Variants in ARSB observed in about 807,000 individuals in gnomAD.
The protein encoded by ARSB is arylsulfatase B.
A neutral mutation model predicts 50.9 loss-of-function variants in ARSB; 41 were observed. The ratio of observed to expected loss-of-function variants is 0.81; its 90% confidence interval spans 0.63 to 1.04. The LOEUF (loss-of-function observed/expected upper bound fraction) is 1.04, where lower values mean the gene tolerates loss of function less well. ARSB is among the 50% of genes least tolerant of loss of function. ARSB has a pLI of 0.00. For missense variants in ARSB, 672 were observed against 693.3 expected (o/e 0.97, Z 0.35); for synonymous variants, 269 against 284.8 (o/e 0.94, Z 0.56).
chr5:78,863,997 TAAAG>T (rs955578212), intron 5 of ARSB, among the ~76,000 whole-genome samples: 3 of 151,428 alleles, frequency 2.0e-5, no homozygotes, highest in African/African-American at 4.9e-5. Context: ...ACCATATTGA[TAAAG>T]AAAGAAAGTA....
At chr5:78,912,525 T>C (rs535842163) in intron 4 of ARSB, among the ~76,000 whole-genome samples, 20 of 152,302 alleles carry the variant, frequency 1.3e-4, no homozygotes, top group South Asian at 1.0e-3. Flanking sequence ...CAGTTTTATC[T>C]GTAGGAGGTA....
At position 78,868,889 on chromosome 5, in the gene ARSB, C is replaced by T. The variant is rs1168157189; in HGVS notation, c.1142+16695G>A. Among the ~76,000 whole-genome samples the T allele has an allele frequency of 2.6e-5, 4 of 151,376 alleles. No individual in the cohort carries two copies. In the South Asian group the frequency reaches 6.3e-4, roughly 24 times the overall value. ...TGGCAAGTTGGATAAAGAGTCAAGA[C>T]CCATCAGTGTGCTGTATTCAGGAAA... On this transcript the variant is annotated intron_variant, in intron 5 of 7. Transcript: ENST00000264914.
intron 6 of ARSB, among the ~76,000 whole-genome samples, chr5:78,791,106 G>C (rs1421659117): frequency 1.3e-5 from 2 of 152,202 alleles, no homozygotes; most frequent in African/African-American, 4.8e-5. Flanking sequence ...TTCCCTGCCA[G>C]TGTGATGCCA....
At chr5:78,852,926 C>T (rs976678441) in intron 5 of ARSB, among the ~76,000 whole-genome samples, 1 of 152,162 alleles carries the variant, frequency 6.6e-6, no homozygotes, top group African/African-American at 2.4e-5. Flanking sequence ...TTAAGCACTT[C>T]TCTGTATTGG....
chr5:78,836,434 C>A (rs1744958640), intron 6 of ARSB, among the ~76,000 whole-genome samples: 1 of 152,118 alleles, frequency 6.6e-6, no homozygotes, highest in Non-Finnish European at 1.5e-5. Flanking sequence ...CCTGGGTGGG[C>A]TCCAGAGAGG....
chr5:78,877,287 G>T (rs781440228), intron 5 of ARSB, among the ~76,000 whole-genome samples: 1 of 152,196 alleles, frequency 6.6e-6, no homozygotes, highest in East Asian at 1.9e-4. Flanking sequence ...GCACTGCTCT[G>T]CAGTTGCCTA....
At chr5:78,910,567 T>C (rs879084843) in intron 4 of ARSB, among the ~76,000 whole-genome samples, 1 of 152,180 alleles carries the variant, frequency 6.6e-6, no homozygotes, top group African/African-American at 2.4e-5. Context: ...TATGGATAGG[T>C]CTTCTAAAAG....
intron 5 of ARSB, among the ~76,000 whole-genome samples, chr5:78,878,429 C>T (rs1283868765): frequency 6.6e-6 from 1 of 152,036 alleles, no homozygotes. Context: ...AAACAGGGGG[C>T]CCCAAGACAG....
intron 4 of ARSB, among the ~76,000 whole-genome samples, chr5:78,917,656 T>C (rs1561500844): frequency 1.3e-5 from 2 of 152,086 alleles, no homozygotes; most frequent in East Asian, 3.9e-4. Context: ...CGGATTACAG[T>C]TGTGTGCCAC....
intron 4 of ARSB, among the ~76,000 whole-genome samples, chr5:78,946,093 T>TG (rs1218908265): frequency 6.6e-6 from 1 of 152,196 alleles, no homozygotes; most frequent in Non-Finnish European, 1.5e-5. Flanking sequence ...TCAATCAACT[T>TG]GCGTTTAACA....
chr5:78,863,620 G>C (rs1320572037), intron 5 of ARSB, among the ~76,000 whole-genome samples: 2 of 142,374 alleles, frequency 1.4e-5, no homozygotes, highest in Non-Finnish European at 3.1e-5. Context: ...GGTGGGGGGT[G>C]GGGGTAGGGA....
intron 1 of ARSB, among the ~76,000 whole-genome samples, chr5:78,974,860 C>T (rs1649370661): frequency 6.6e-6 from 1 of 152,192 alleles, no homozygotes; most frequent in South Asian, 2.1e-4. Flanking sequence ...TGAAAGTCAC[C>T]CCAGGGCTCT....
intron 5 of ARSB, among the ~76,000 whole-genome samples, chr5:78,875,946 G>C (rs768585361): frequency 1.3e-5 from 2 of 152,080 alleles, no homozygotes; most frequent in African/African-American, 4.8e-5. Context: ...GGGATTACAG[G>C]CATAAGCCAC....
At chr5:78,890,770 C>T (rs1374979413) in intron 4 of ARSB, among the ~76,000 whole-genome samples, 1 of 152,168 alleles carries the variant, frequency 6.6e-6, no homozygotes, top group Non-Finnish European at 1.5e-5. Flanking sequence ...GTGCCCTGAG[C>T]TTCAGTCACG....
intron 6 of ARSB, among the ~76,000 whole-genome samples, chr5:78,826,098 G>A (rs1449381877): frequency 6.6e-6 from 1 of 150,966 alleles, no homozygotes; most frequent in African/African-American, 2.4e-5. Context: ...CCAGGCTGGA[G>A]TGCAGTGGCA....
At chr5:78,901,836 C>T (rs1314722523) in intron 4 of ARSB, among the ~76,000 whole-genome samples, 21 of 152,154 alleles carry the variant, frequency 1.4e-4, no homozygotes, top group South Asian at 4.1e-4. Context: ...CCACTTTATA[C>T]CCAATAGGAT....
At chr5:78,936,702 T>C (rs1374833844) in intron 4 of ARSB, among the ~76,000 whole-genome samples, 1 of 152,192 alleles carries the variant, frequency 6.6e-6, no homozygotes, top group Non-Finnish European at 1.5e-5. Flanking sequence ...GTCTTGAAGT[T>C]TGATAAGCCC....
chr5:78,849,540 G>C (rs1169232049), intron 5 of ARSB, among the ~76,000 whole-genome samples: 1 of 151,490 alleles, frequency 6.6e-6, no homozygotes, highest in African/African-American at 2.4e-5. Context: ...GATTGACTTG[G>C]CAATGTGGGC....
Position 78,856,423 on chromosome 5 carries a change from G to A in ARSB, c.1143-16997C>T, listed in dbSNP as rs571053542. On this transcript the variant is annotated intron_variant, in intron 5 of 7. Transcript: ENST00000264914. ...TCCCAGAAAGTATCTTAAGAAATCT[G>A]TTGATAACTTTCTATAATCAATATC... 4.3e-3 allele frequency among the ~76,000 whole-genome samples: 652 copies of A among 152,262 alleles called. 9 individuals carry two copies. Among genetic ancestry groups the A allele is most frequent in the Non-Finnish European group, 4.2e-3 (284 of 68,016 alleles).
Sources: allele counts gnomAD v4.1 joint callset (sites outside exome capture counted in the v4.1 genomes callset), GRCh38; gene constraint gnomAD v4.1.1; transcripts MANE v1.5; gene names NCBI Gene and HGNC (gene_info 2026-07-23, HGNC 2026-07-21).